Variants in VWA8 observed in about 807,000 individuals in gnomAD.
VWA8 encodes von Willebrand factor A domain-containing protein 8.
In VWA8, 221 loss-of-function variants were observed where a neutral mutation model predicts 241.5. The ratio of observed to expected loss-of-function variants is 0.91; its 90% CI spans 0.82 to 1.02. The LOEUF is 1.02. Among genes scored for constraint, VWA8 ranks in the 50% least tolerant of loss-of-function variants. The pLI is 0.00. For synonymous variants in VWA8, 852 were observed against 827.1 expected (o/e 1.03, Z -0.52); for missense variants, 2,322 against 2,328.7 (o/e 1.00, Z 0.06).
chr13:41,575,893 T>C (rs1321286861), intron 42 of VWA8, 55 bp from the exon 43 acceptor site: 3 of 1,315,868 alleles, frequency 2.3e-6, no homozygotes, highest in Non-Finnish European at 3.2e-6. Flanking sequence ...AGAACAGTCA[T>C]TAGATCTTTA....
intron 17 of VWA8, among the ~76,000 whole-genome samples, chr13:41,805,590 G>A (rs1870152367): frequency 6.6e-6 from 1 of 152,040 alleles, no homozygotes; most frequent in Admixed American, 6.6e-5. Context: ...GAGATGGGCA[G>A]ATCACCTGAG....
chr13:41,761,986 T>G (rs538760901), intron 20 of VWA8, among the ~76,000 whole-genome samples: 3 of 152,104 alleles, frequency 2.0e-5, no homozygotes, highest in Non-Finnish European at 4.4e-5. Context: ...ATATCATACA[T>G]GCTAGCAAAA....
rs577365960 is a variant in VWA8, at chr13:41,840,360, G to A, written c.1426-6829C>T. Among the ~76,000 whole-genome samples the A allele has an allele frequency of 1.3e-4, 20 of 152,082 alleles. 1 individual carries two copies. Among genetic ancestry groups the A allele is most frequent in the African/African-American group, 3.4e-4 (14 of 41,480 alleles). ...GATAGCATTAGGAAAAATACCTAAC[G>A]TAGGTGACGGGTTGGTTGATGGGTG... On this transcript the variant is annotated intron_variant, in intron 12 of 44. Coordinates refer to ENST00000379310, the MANE Select transcript of VWA8 (RefSeq NM_015058.2).
chr13:41,950,050 G>T, intron 1 of VWA8, 37 bp from the exon 2 acceptor site: 2 of 1,307,538 alleles, frequency 1.5e-6, no homozygotes, highest in Admixed American at 2.2e-5. Flanking sequence ...AATTATAAGA[G>T]ACAAACGAGA....
intron 40 of VWA8, among the ~76,000 whole-genome samples, chr13:41,595,728 G>A (rs971017856): frequency 6.6e-6 from 1 of 152,076 alleles, no homozygotes; most frequent in Non-Finnish European, 1.5e-5. Flanking sequence ...TCCATTGTAT[G>A]ACTTTGTCAC....
rs35182691 is a variant in VWA8, at chr13:41,657,482, C to CTT, written c.4611+13462_4611+13463dup. 9.4e-3 allele frequency among the ~76,000 whole-genome samples: 1,276 copies of CTT among 136,084 alleles called. 21 individuals are homozygous for CTT. Among genetic ancestry groups the CTT allele is most frequent in the African/African-American group, 0.03 (1,129 of 37,120 alleles). The allele number at this position is 136,084 out of a possible 152,430, so 89.3% of individuals were successfully genotyped here. A position where few individuals can be genotyped will look rare whatever the true frequency, so the allele number is the denominator to read the frequency against. On this transcript the variant is annotated intron_variant, in intron 37 of 44. Coordinates refer to ENST00000379310, the MANE Select transcript of VWA8 (RefSeq NM_015058.2). ...TTTAAAGGTACAGAGAAAAGTTATT[C>CTT]TTTTTTTTTTTTTTTTTTGAAACGG...
chr13:41,577,410 T>C (rs1283425251), intron 42 of VWA8, among the ~76,000 whole-genome samples: 1 of 152,046 alleles, frequency 6.6e-6, no homozygotes, highest in East Asian at 1.9e-4. Context: ...AGTGAAAAGG[T>C]ACCAAATAAA....
chr13:41,884,815 G>A (rs967750720), intron 8 of VWA8, among the ~76,000 whole-genome samples: 1 of 152,078 alleles, frequency 6.6e-6, no homozygotes, highest in Non-Finnish European at 1.5e-5. Context: ...ATAAACAGGA[G>A]GAGAAATTCT....
Position 41,881,372 on chromosome 13 carries a change from CGGGGGGGGGGG to C in VWA8, c.1080+2004_1080+2014del, listed in dbSNP as rs756711531. On this transcript the variant is annotated intron_variant, in intron 9 of 44. Coordinates refer to ENST00000379310, the MANE Select transcript of VWA8 (RefSeq NM_015058.2). ...CTAGAACATCATAGTTTTTTTTTGCCGGGGGGGGGGGGGGGGGGGTAAGGTCACAGATCAAC... is the reference window on the plus strand; with the variant it reads ...CTAGAACATCATAGTTTTTTTTTGCCGGGGGGGGTAAGGTCACAGATCAAC... Among the ~76,000 whole-genome samples the C allele has an allele frequency of 2.4e-3, 20 of 8,302 alleles. 4 individuals are homozygous for C. The highest frequency in any genetic ancestry group is 3.0e-3 in the Non-Finnish European group (16 of 5,398). 5.4% of individuals were successfully genotyped at this position (8,302 alleles called of 152,430 possible). A position where few individuals can be genotyped will look rare whatever the true frequency, so the allele number is the denominator to read the frequency against.
Position 41,819,484 on chromosome 13 carries a change from T to A in VWA8, c.1701-98A>T. 5 of 1,195,768 alleles carry A rather than the reference T, an allele frequency of 4.2e-6. No homozygotes were observed. In the South Asian group the frequency reaches 7.5e-5, roughly 18 times the overall value. 74.1% of individuals were successfully genotyped at this position (1,195,768 alleles called of 1,614,324 possible). A position where few individuals can be genotyped will look rare whatever the true frequency, so the allele number is the denominator to read the frequency against. ...CTAGGCAACGTTAGGGCTATCATAC[T>A]GTTAATAATGTCAATGTTATCATCC... On this transcript the variant is annotated intron_variant, in intron 14 of 44. Coordinates refer to ENST00000379310, the MANE Select transcript of VWA8 (RefSeq NM_015058.2).
chr13:41,835,738 ATG>A (rs1295668543), intron 12 of VWA8, among the ~76,000 whole-genome samples: 14 of 152,248 alleles, frequency 9.2e-5, no homozygotes, highest in African/African-American at 2.9e-4. Flanking sequence ...ATAAATATAT[ATG>A]TGTCTGTATA....
At chr13:41,721,270 T>C (rs1290076626) in intron 25 of VWA8, 100 bp downstream of exon 25, 2 of 1,184,286 alleles carry the variant, frequency 1.7e-6, no homozygotes, top group Admixed American at 2.1e-5. Context: ...TGACTCATTA[T>C]TGTATTTATG....
At chr13:41,931,279 T>TA (rs67470859) in intron 2 of VWA8, among the ~76,000 whole-genome samples, 2,895 of 90,202 alleles carry the variant, frequency 0.032, 139 homozygotes, top group African/African-American at 0.11. Flanking sequence ...GACCCAGGGT[T>TA]AAAAAAAAAA....
intron 37 of VWA8, among the ~76,000 whole-genome samples, chr13:41,636,704 A>T (rs879602476): frequency 0.032 from 4,934 of 152,262 alleles, 89 homozygotes; most frequent in South Asian, 0.077. Flanking sequence ...TCTACAATGA[A>T]CTCAAACAAA....
intron 17 of VWA8, among the ~76,000 whole-genome samples, chr13:41,807,085 C>G (rs1217685815): frequency 6.6e-6 from 1 of 151,548 alleles, no homozygotes; most frequent in Non-Finnish European, 1.5e-5. Flanking sequence ...CATCGGAACA[C>G]CAAGAAGAAA....
chr13:41,753,297 G>GAA lies in VWA8; in HGVS notation c.2426+7829_2426+7830dup, dbSNP rs536832879. On this transcript the variant is annotated intron_variant, in intron 21 of 44. Coordinates refer to ENST00000379310, the MANE Select transcript of VWA8 (RefSeq NM_015058.2). Reference sequence around the variant, plus strand: ...TCTTCAATTATGAAGGATAGCAAATGAAAAAAAACTCTGGCAGTATAAGTA... The same window carrying GAA: ...TCTTCAATTATGAAGGATAGCAAATGAAAAAAAAAACTCTGGCAGTATAAGTA... 3.4e-4 allele frequency among the ~76,000 whole-genome samples: 51 copies of GAA among 151,534 alleles called. 1 individual carries two copies. The South Asian group carries it at 0.011, about 32-fold the overall frequency.
chr13:41,573,551 A>AAT (rs1338314475), intron 43 of VWA8, among the ~76,000 whole-genome samples: 4 of 145,558 alleles, frequency 2.7e-5, no homozygotes, highest in African/African-American at 1.0e-4. Context: ...GTATATATAA[A>AAT]ATATATACAC....
At position 41,830,078 on chromosome 13, in the gene VWA8, TA is replaced by T. The variant is rs560135903; in HGVS notation, c.1700+450del. On this transcript the variant is annotated intron_variant, in intron 14 of 44. Transcript: ENST00000379310. ...TAACAAGGTGAAACCCTGTCTCTAC[TA>T]AAAAATACAAAAAATTAGCTGGGTG... Among the ~76,000 whole-genome samples, 136 of 151,846 alleles carry T rather than the reference TA, an allele frequency of 9.0e-4. 2 individuals carry two copies. Among genetic ancestry groups the T allele is most frequent in the East Asian group, 7.6e-3 (39 of 5,156 alleles).
At chr13:41,849,997 T>C (rs998477110) in intron 12 of VWA8, among the ~76,000 whole-genome samples, 1 of 152,208 alleles carries the variant, frequency 6.6e-6, no homozygotes, top group Non-Finnish European at 1.5e-5. Flanking sequence ...ATAATGTCCT[T>C]ATGTCTGGAG....
Sources: gnomAD v4.1 joint callset for allele counts (sites outside exome capture counted in the v4.1 genomes callset) on GRCh38, gnomAD v4.1.1 for gene constraint, MANE v1.5 for transcripts, NCBI Gene and HGNC (gene_info 2026-07-23, HGNC 2026-07-21) for gene names.